Variants in GATA4 observed in about 807,000 individuals in gnomAD.
GATA4 encodes transcription factor GATA-4.
Under a neutral mutation model 37.9 loss-of-function variants are expected in GATA4, and 7 were observed. That is an observed-to-expected ratio of 0.18 (90% CI 0.11 to 0.35). The LOEUF (loss-of-function observed/expected upper bound fraction) is 0.35, where lower values mean the gene tolerates loss of function less well. Ranked by LOEUF, GATA4 falls within the 10% of genes least tolerant of loss-of-function variation. The pLI, the probability that GATA4 is intolerant of heterozygous loss-of-function variation, is 1.00. For missense variants in GATA4, 647 were observed against 653.0 expected (o/e 0.99, Z 0.10); for synonymous variants, 372 against 292.6 (o/e 1.27, Z -2.77).
chr8:11,729,556 A>G (rs1346826323), intron 2 of GATA4, among the ~76,000 whole-genome samples: 3 of 30,724 alleles, frequency 9.8e-5, no homozygotes, highest in Non-Finnish European at 2.3e-4. Flanking sequence ...ACTGTGTCTC[A>G]AAAAAAAAAA....
upstream of GATA4, among the ~76,000 whole-genome samples, chr8:11,690,646 G>A (rs960813215): frequency 6.6e-6 from 1 of 152,184 alleles, no homozygotes; most frequent in Non-Finnish European, 1.5e-5. Context: ...GGCAGTGAGA[G>A]GGTCACTCCA....
intron 2 of GATA4, among the ~76,000 whole-genome samples, chr8:11,731,704 C>T (rs972689435): frequency 5.3e-5 from 8 of 152,218 alleles, no homozygotes; most frequent in African/African-American, 1.9e-4. Flanking sequence ...CTGAACTGTA[C>T]ACTTAAAAAT....
In GATA4 at chr8:11,716,608, C is replaced by T. The variant is rs1012359220; in HGVS notation, c.616+7680C>T. Among the ~76,000 whole-genome samples, 12 of 152,266 alleles carry T rather than the reference C, an allele frequency of 7.9e-5. 1 individual carries two copies. Among genetic ancestry groups the T allele is most frequent in the South Asian group, 2.1e-4 (1 of 4,822 alleles). ...GTAGTGGATCTAAATCAGCAATGGG[C>T]GGACACCCCAGCCCCACACTACTGT... On this transcript the variant is annotated intron_variant, in intron 2 of 6. Transcript: ENST00000532059.
At chr8:11,696,956 G>T (rs1173682788) in intron 1 of GATA4, among the ~76,000 whole-genome samples, 1 of 152,238 alleles carries the variant, frequency 6.6e-6, no homozygotes, top group Non-Finnish European at 1.5e-5. Context: ...TCCTGGGGGA[G>T]GGGTGGACTT....
intron 6 of GATA4, among the ~76,000 whole-genome samples, chr8:11,757,897 T>A (rs1233946118): frequency 6.6e-6 from 1 of 152,202 alleles, no homozygotes. Flanking sequence ...TCTTATTGTC[T>A]GGGAGAACCT....
At chr8:11,690,102 G>A (rs564727787), upstream of GATA4, among the ~76,000 whole-genome samples, 3 of 152,210 alleles carry the variant, frequency 2.0e-5, no homozygotes, top group Non-Finnish European at 2.9e-5. Context: ...GCTGTCTCAG[G>A]ACTGATAAAC....
chr8:11,680,609 C>A (rs552949184), intron 1 of GATA4: 2 of 985,196 alleles, frequency 2.0e-6, no homozygotes, highest in Admixed American at 1.2e-4. Flanking sequence ...GAGCGGCGGT[C>A]GGTGGCGTGA....
At chr8:11,732,965 A>T (rs924609357) in intron 2 of GATA4, among the ~76,000 whole-genome samples, 5 of 152,136 alleles carry the variant, frequency 3.3e-5, no homozygotes, top group African/African-American at 9.7e-5. Context: ...CAACCTCCAA[A>T]TACCATCACA....
chr8:11,748,534 G>A (rs541339580), intron 2 of GATA4, among the ~76,000 whole-genome samples: 1 of 152,294 alleles, frequency 6.6e-6, no homozygotes, highest in South Asian at 2.1e-4. Context: ...TTATGCAAAA[G>A]GAAAAGTAAT....
intron 2 of GATA4, among the ~76,000 whole-genome samples, chr8:11,746,289 G>C (rs1248744099): frequency 6.6e-6 from 1 of 152,086 alleles, no homozygotes; most frequent in African/African-American, 2.4e-5. Context: ...AGTATCTCTT[G>C]AGGCCAGGAG....
intron 2 of GATA4, among the ~76,000 whole-genome samples, chr8:11,715,532 A>C (rs1351739034): frequency 6.6e-6 from 1 of 152,068 alleles, no homozygotes; most frequent in Non-Finnish European, 1.5e-5. Flanking sequence ...GCGGATCGTG[A>C]GATCAGGAGA....
intron 2 of GATA4, among the ~76,000 whole-genome samples, chr8:11,737,765 A>C (rs1801532870): frequency 6.6e-6 from 1 of 152,208 alleles, no homozygotes; most frequent in Admixed American, 6.5e-5. Flanking sequence ...AAGGTGGGAG[A>C]AAAGATGCTT....
chr8:11,690,630 C>G (rs1163029833), upstream of GATA4, among the ~76,000 whole-genome samples: 1 of 152,086 alleles, frequency 6.6e-6, no homozygotes, highest in African/African-American at 2.4e-5. Context: ...GGAGGTTAAG[C>G]AAGAGGGCAG....
chr8:11,678,368 A>G (rs932928854), intron 1 of GATA4, among the ~76,000 whole-genome samples: 1 of 152,192 alleles, frequency 6.6e-6, no homozygotes, highest in African/African-American at 2.4e-5. Context: ...CAGCAGCCCC[A>G]CCGGCTTCCA....
upstream of GATA4, among the ~76,000 whole-genome samples, chr8:11,699,981 G>A (rs1376983226): frequency 6.6e-6 from 1 of 152,178 alleles, no homozygotes; most frequent in Non-Finnish European, 1.5e-5. Context: ...AAAGAACTAA[G>A]ATTCAGGAAT....
upstream of GATA4, among the ~76,000 whole-genome samples, chr8:11,690,490 A>G (rs528759047): frequency 1.6e-4 from 25 of 152,332 alleles, no homozygotes; most frequent in Non-Finnish European, 2.8e-4. Context: ...ACTAAAATAC[A>G]GTGTGATAAA....
chr8:11,745,526 C>T (rs1463287316), intron 2 of GATA4, among the ~76,000 whole-genome samples: 1 of 151,772 alleles, frequency 6.6e-6, no homozygotes, highest in Non-Finnish European at 1.5e-5. Flanking sequence ...GTTGAGGCTG[C>T]AGTGAGCCGA....
At chr8:11,685,351 T>C (rs1299094320) in intron 1 of GATA4, among the ~76,000 whole-genome samples, 2 of 152,230 alleles carry the variant, frequency 1.3e-5, no homozygotes, top group Non-Finnish European at 2.9e-5. Flanking sequence ...GTTGTCCCCG[T>C]TATACTTTTC....
intron 1 of GATA4, among the ~76,000 whole-genome samples, chr8:11,687,012 A>T (rs1799158003): frequency 6.6e-6 from 1 of 151,962 alleles, no homozygotes; most frequent in South Asian, 2.1e-4. Context: ...AAAAAAAAAA[A>T]ATCCTCAACC....
Sources: gnomAD v4.1 joint callset for allele counts (sites outside exome capture counted in the v4.1 genomes callset) on GRCh38, gnomAD v4.1.1 for gene constraint, MANE v1.5 for transcripts, NCBI Gene and HGNC (gene_info 2026-07-23, HGNC 2026-07-21) for gene names.